GALNTL6: variants seen among roughly 807,000 people sequenced by gnomAD.
GALNTL6 encodes polypeptide N-acetylgalactosaminyltransferase-like 6.
In GALNTL6, 46 loss-of-function variants were observed where a neutral mutation model predicts 73.7. That is an observed-to-expected ratio of 0.62 (90% CI 0.49 to 0.80). The LOEUF (loss-of-function observed/expected upper bound fraction) is 0.80, where lower values mean the gene tolerates loss of function less well. Among genes scored for constraint, GALNTL6 ranks in the 30% least tolerant of loss-of-function variants. The pLI is 0.00. For missense variants in GALNTL6, 604 were observed against 755.0 expected (o/e 0.80, Z 2.34); for synonymous variants, 259 against 263.7 (o/e 0.98, Z 0.17).
intron 5 of GALNTL6, among the ~76,000 whole-genome samples, chr4:172,732,806 CACAA>C (rs1736231136): frequency 6.6e-6 from 1 of 152,072 alleles, no homozygotes; most frequent in Non-Finnish European, 1.5e-5. Flanking sequence ...AAAGAATAGA[CACAA>C]ACAAAGGCAA....
At chr4:172,245,103 T>C (rs369885967) in intron 3 of GALNTL6, among the ~76,000 whole-genome samples, 30 of 152,292 alleles carry the variant, frequency 2.0e-4, no homozygotes, top group African/African-American at 6.3e-4. Flanking sequence ...ATACAAATTA[T>C]TGAGTACACT....
chr4:172,004,734 T>G (rs1477926284), intron 2 of GALNTL6, among the ~76,000 whole-genome samples: 2 of 137,258 alleles, frequency 1.5e-5, no homozygotes, highest in African/African-American at 5.4e-5. Flanking sequence ...TACCAATCAT[T>G]TGCAGAGATA....
At chr4:172,654,766 A>C (rs940127751) in intron 5 of GALNTL6, among the ~76,000 whole-genome samples, 3 of 152,266 alleles carry the variant, frequency 2.0e-5, no homozygotes, top group Admixed American at 2.0e-4. Context: ...GGAAAGTAGA[A>C]AAGAAAAACC....
At chr4:172,523,288 C>A (rs1416379623) in intron 5 of GALNTL6, among the ~76,000 whole-genome samples, 1 of 152,212 alleles carries the variant, frequency 6.6e-6, no homozygotes, top group East Asian at 1.9e-4. Flanking sequence ...AATGACACCA[C>A]TCTGTCTTTC....
At chr4:172,866,477 G>A (rs1195291981) in intron 7 of GALNTL6, among the ~76,000 whole-genome samples, 1 of 152,166 alleles carries the variant, frequency 6.6e-6, no homozygotes, top group Non-Finnish European at 1.5e-5. Context: ...CTCATAGGGC[G>A]AGTTGTGAGA....
At chr4:172,839,116 A>G (rs905331925) in intron 7 of GALNTL6, among the ~76,000 whole-genome samples, 53 of 152,336 alleles carry the variant, frequency 3.5e-4, no homozygotes, top group African/African-American at 1.2e-3. Context: ...TTTTGCTTCA[A>G]TAAAAAGGTG....
intron 2 of GALNTL6, among the ~76,000 whole-genome samples, chr4:171,968,993 C>T (rs536964102): frequency 2.4e-4 from 36 of 152,064 alleles, no homozygotes; most frequent in Admixed American, 7.9e-4. Context: ...CACACCACCA[C>T]GCCCGGCTAA....
At chr4:172,762,512 T>C (rs1056722893) in intron 5 of GALNTL6, among the ~76,000 whole-genome samples, 1 of 151,720 alleles carries the variant, frequency 6.6e-6, no homozygotes, top group Non-Finnish European at 1.5e-5. Flanking sequence ...ATCCCCAGGC[T>C]CTGTCTTTAC....
intron 8 of GALNTL6, among the ~76,000 whole-genome samples, chr4:172,926,851 A>T (rs1323763135): frequency 2.6e-5 from 4 of 152,270 alleles, no homozygotes; most frequent in African/African-American, 4.8e-5. Flanking sequence ...AGTAAGAATT[A>T]AAGTAATCTC....
At chr4:172,191,271 A>G (rs1369671139) in intron 2 of GALNTL6, among the ~76,000 whole-genome samples, 1 of 152,134 alleles carries the variant, frequency 6.6e-6, no homozygotes, top group Non-Finnish European at 1.5e-5. Flanking sequence ...TCTGACCGTA[A>G]TTCTCTCTCA....
chr4:172,676,218 A>C (rs1732294016), intron 5 of GALNTL6, among the ~76,000 whole-genome samples: 1 of 152,214 alleles, frequency 6.6e-6, no homozygotes. Flanking sequence ...TTAACAAAGG[A>C]ATACAAGGAC....
intron 2 of GALNTL6, among the ~76,000 whole-genome samples, chr4:172,125,619 C>T (rs1167334171): frequency 6.6e-6 from 1 of 152,170 alleles, no homozygotes; most frequent in African/African-American, 2.4e-5. Context: ...ATCACTTATT[C>T]AGACATTCCA....
At chr4:172,213,174 T>C (rs1185543980) in intron 2 of GALNTL6, among the ~76,000 whole-genome samples, 2 of 152,234 alleles carry the variant, frequency 1.3e-5, no homozygotes, top group African/African-American at 4.8e-5. Flanking sequence ...TTCCAATTCA[T>C]TTATCCACTT....
At chr4:172,692,207 T>C (rs17058752) in intron 5 of GALNTL6, among the ~76,000 whole-genome samples, 20,456 of 152,072 alleles carry the variant, frequency 0.13, 1,649 homozygotes, top group East Asian at 0.25. Flanking sequence ...TATTCTATAA[T>C]TTGATACTCT....
chr4:171,837,971 T>C (rs986118953), intron 2 of GALNTL6, among the ~76,000 whole-genome samples: 2 of 151,618 alleles, frequency 1.3e-5, no homozygotes, highest in Non-Finnish European at 2.9e-5. Context: ...AGTAGGAAGC[T>C]CCAAGATAAA....
chr4:171,969,127 G>A (rs542060586), intron 2 of GALNTL6, among the ~76,000 whole-genome samples: 9 of 152,168 alleles, frequency 5.9e-5, no homozygotes, highest in Admixed American at 3.9e-4. Context: ...GAGCCACCGC[G>A]CCTGGCCTAT....
chr4:172,537,196 T>C (rs1735374307), intron 5 of GALNTL6, among the ~76,000 whole-genome samples: 1 of 152,084 alleles, frequency 6.6e-6, no homozygotes, highest in African/African-American at 2.4e-5. Flanking sequence ...GAAGGCACGA[T>C]TGTGTTTTGA....
At position 171,981,656 on chromosome 4, in the gene GALNTL6, G is replaced by A. The variant is rs139652962; in HGVS notation, c.138+166938G>A. On this transcript the variant is annotated intron_variant, in intron 2 of 12. Transcript: ENST00000506823. The stretch of plus-strand genomic sequence containing the variant: ...AAATGAAATTCCTAAATTAAATTAA[G>A]CATTATCACTTCTGCAACATTTTGC... 8.4e-3 allele frequency among the ~76,000 whole-genome samples: 1,277 copies of A among 152,158 alleles called. 17 individuals carry two copies. Among genetic ancestry groups the A allele is most frequent in the African/African-American group, 0.029 (1,216 of 41,518 alleles).
chr4:171,851,109 G>T (rs998142689), intron 2 of GALNTL6, among the ~76,000 whole-genome samples: 1 of 152,152 alleles, frequency 6.6e-6, no homozygotes, highest in African/African-American at 2.4e-5. Context: ...GAACGAACTT[G>T]AATGTAAAAG....
Sources: gnomAD v4.1 joint callset for allele counts (sites outside exome capture counted in the v4.1 genomes callset) on GRCh38, gnomAD v4.1.1 for gene constraint, MANE v1.5 for transcripts, NCBI Gene and HGNC (gene_info 2026-07-23, HGNC 2026-07-21) for gene names.